The following ALMS1 variants were observed in gnomAD, a reference collection of about 807,000 sequenced individuals.
ALMS1 encodes the protein centrosome-associated protein ALMS1.
ALMS1 carries 271 observed loss-of-function variants against 352.2 expected under a neutral mutation model. The observed-to-expected ratio is 0.77, with a 90% confidence interval of 0.70 to 0.85. The LOEUF (loss-of-function observed/expected upper bound fraction) is 0.85, where lower values mean the gene tolerates loss of function less well. ALMS1 is among the 40% of genes least tolerant of loss of function. The pLI, the probability that ALMS1 is intolerant of heterozygous loss-of-function variation, is 0.00. For synonymous variants in ALMS1, 1,865 were observed against 1,761.2 expected (o/e 1.06, Z -1.48); for missense variants, 5,445 against 4,870.7 (o/e 1.12, Z -3.51).
At position 73,601,329 on chromosome 2, in the gene ALMS1, GAGC is replaced by G; in HGVS notation, c.12010_12012del (p.Gln4004del). The G allele has an allele frequency of 6.2e-7, 1 of 1,614,238 alleles. No homozygotes were observed. On this transcript the variant is annotated inframe_deletion, in exon 19 of 23. Transcript: ENST00000613296. ...CAGACCCTGGAGGGAGCCACTGCGG[GAGC>G]AGAACTGTCAGGGGCAGCACCTGGA...
intron 11 of ALMS1, among the ~76,000 whole-genome samples, chr2:73,525,305 G>A (rs978851420): frequency 6.6e-6 from 1 of 152,122 alleles, no homozygotes; most frequent in African/African-American, 2.4e-5. Context: ...TGGGATTGCT[G>A]GATCATATGT....
intron 11 of ALMS1, among the ~76,000 whole-genome samples, chr2:73,521,802 A>G (rs1468617232): frequency 6.6e-6 from 1 of 152,160 alleles, no homozygotes; most frequent in African/African-American, 2.4e-5. Context: ...AAACGGATCA[A>G]TTTATAGAGG....
intron 10 of ALMS1, among the ~76,000 whole-genome samples, chr2:73,511,219 G>C (rs1209189827): frequency 9.2e-5 from 14 of 151,884 alleles, no homozygotes. Context: ...TGGCATTCCA[G>C]GCGCCACTGG....
chr2:73,549,695 C>G (rs934296695), intron 12 of ALMS1, among the ~76,000 whole-genome samples: 3 of 152,164 alleles, frequency 2.0e-5, no homozygotes, highest in African/African-American at 2.4e-5. Context: ...GAAATATTCT[C>G]TCTCCTGAAC....
At chr2:73,476,991 A>G (rs1321517385) in intron 9 of ALMS1, among the ~76,000 whole-genome samples, 1 of 152,166 alleles carries the variant, frequency 6.6e-6, no homozygotes, top group African/African-American at 2.4e-5. Context: ...TGCAATTTCT[A>G]AGTACCTATT....
At chr2:73,413,897 A>T (rs1671127611) in intron 2 of ALMS1, among the ~76,000 whole-genome samples, 1 of 152,154 alleles carries the variant, frequency 6.6e-6, no homozygotes, top group Non-Finnish European at 1.5e-5. Flanking sequence ...TGATTTACAT[A>T]TGTATCCTCA....
intron 9 of ALMS1, among the ~76,000 whole-genome samples, chr2:73,472,699 T>A (rs1198010841): frequency 6.6e-5 from 10 of 152,054 alleles, no homozygotes; most frequent in Admixed American, 6.6e-4. Flanking sequence ...TGTGCCTAGA[T>A]GAACAATGAC....
At chr2:73,543,721 C>T (rs1433131875) in intron 12 of ALMS1, among the ~76,000 whole-genome samples, 1 of 152,222 alleles carries the variant, frequency 6.6e-6, no homozygotes, top group African/African-American at 2.4e-5. Context: ...TGAACAGACA[C>T]TTCTCAAAAG....
At chr2:73,390,120 T>A (rs1670613018) in intron 1 of ALMS1, among the ~76,000 whole-genome samples, 1 of 152,224 alleles carries the variant, frequency 6.6e-6, no homozygotes, top group African/African-American at 2.4e-5. Context: ...GAATATATGA[T>A]AATATATAGA....
rs776244650 is a variant in ALMS1, at chr2:73,419,310, C to T, written c.638C>T (p.Pro213Leu). Residue 213 changes from proline to leucine, a missense_variant, in exon 3 of 23, where the codon CCA (proline) becomes CTA (leucine). Pro to Leu is a moderately conservative substitution (Grantham distance 98). Coordinates refer to ENST00000613296, the MANE Select transcript of ALMS1 (RefSeq NM_001378454.1). ...CCCAACAGAGATCTCTTCTGTTCTC[C>T]ACTGCTAGGTAATGCCTGTTTATTT... ...KEPNRDLFCS[P>L]LLVIQDSFAS... The T allele has an allele frequency of 2.5e-6, 4 of 1,613,696 alleles. No homozygotes were observed. The South Asian group carries it at 3.3e-5, about 13-fold the overall frequency.
At chr2:73,576,870 C>T (rs561344148) in intron 16 of ALMS1, among the ~76,000 whole-genome samples, 1 of 152,056 alleles carries the variant, frequency 6.6e-6, no homozygotes, top group Non-Finnish European at 1.5e-5. Flanking sequence ...GATCCACCCC[C>T]CTCAGTCTCC....
At chr2:73,422,014 T>C (rs1278213448) in intron 3 of ALMS1, among the ~76,000 whole-genome samples, 1 of 152,212 alleles carries the variant, frequency 6.6e-6, no homozygotes, top group Non-Finnish European at 1.5e-5. Context: ...TTTACACTTT[T>C]AAAAATTACT....
intron 11 of ALMS1, among the ~76,000 whole-genome samples, chr2:73,522,467 C>CTTTTTTTTTTTTTTTTTTTTTTTT: frequency 9.4e-6 from 1 of 106,754 alleles, no homozygotes; most frequent in Non-Finnish European, 1.8e-5. Flanking sequence ...GGTTGAGGTC[C>CTTTTTTTTTTTTTTTTTTTTTTTT]TTTTTTTTTT....
intron 15 of ALMS1, among the ~76,000 whole-genome samples, chr2:73,564,779 A>G (rs147179189): frequency 2.0e-5 from 3 of 152,224 alleles, no homozygotes; most frequent in African/African-American, 7.2e-5. Flanking sequence ...CTATAAGAAT[A>G]AAAGATAAAC....
intron 7 of ALMS1, among the ~76,000 whole-genome samples, chr2:73,439,885 A>G (rs746221912): frequency 7.2e-5 from 11 of 152,118 alleles, no homozygotes; most frequent in Non-Finnish European, 1.3e-4. Context: ...TAAGTCTGCA[A>G]TTTTATTATT....
At position 73,432,211 on chromosome 2, in the gene ALMS1, C is replaced by T. The variant is rs540547127; in HGVS notation, c.1352C>T (p.Ser451Leu). 30 of 1,612,594 alleles carry T rather than the reference C, an allele frequency of 1.9e-5. No individual in the cohort carries two copies. Among genetic ancestry groups the T allele is most frequent in the African/African-American group, 1.3e-4 (10 of 74,970 alleles). ...GTTCCACATAAGCCAACAAGAGAGT[C>T]GGAATATCACTCTTCAGATCTCAGA... ...AELQRKPTRE[S>L]EYHSSDLRML... Residue 451 changes from serine (S) to leucine (L), a missense_variant, in exon 7 of 23, where the codon TCG (serine) becomes TTG (leucine). By Grantham distance (145) the Ser-to-Leu change is moderately radical. Coordinates refer to ENST00000613296, the MANE Select transcript of ALMS1 (RefSeq NM_001378454.1).
At chr2:73,388,794 G>T (rs949840066) in intron 1 of ALMS1, among the ~76,000 whole-genome samples, 1 of 152,150 alleles carries the variant, frequency 6.6e-6, no homozygotes, top group Non-Finnish European at 1.5e-5. Context: ...TATGAGCACA[G>T]ATTTTTTTCT....
chr2:73,586,901 G>A (rs988302257), intron 16 of ALMS1, among the ~76,000 whole-genome samples: 1 of 151,980 alleles, frequency 6.6e-6, no homozygotes, highest in Non-Finnish European at 1.5e-5. Flanking sequence ...GTTTCCATTT[G>A]TTTGTGTCAT....
At chr2:73,527,964 C>T (rs936699827) in intron 11 of ALMS1, among the ~76,000 whole-genome samples, 10 of 151,920 alleles carry the variant, frequency 6.6e-5, no homozygotes, top group Non-Finnish European at 1.2e-4. Flanking sequence ...TATCATTTGT[C>T]TCAAGAAATT....
Sources: allele counts gnomAD v4.1 joint callset (sites outside exome capture counted in the v4.1 genomes callset), GRCh38; gene constraint gnomAD v4.1.1; transcripts MANE v1.5; gene names NCBI Gene and HGNC (gene_info 2026-07-23, HGNC 2026-07-21).